Variants in GFRA1 observed in about 807,000 individuals in gnomAD.
GFRA1 encodes the protein GDNF family receptor alpha-1.
GFRA1 carries 16 observed loss-of-function variants against 51.6 expected under a neutral mutation model. That is an observed-to-expected ratio of 0.31 (90% CI 0.21 to 0.47). The LOEUF (loss-of-function observed/expected upper bound fraction) is 0.47, where lower values mean the gene tolerates loss of function less well. Ranked by LOEUF, GFRA1 falls within the 20% of genes least tolerant of loss-of-function variation. GFRA1 has a pLI of 1.00. For missense variants in GFRA1, 530 were observed against 594.3 expected (o/e 0.89, Z 1.13); for synonymous variants, 270 against 241.3 (o/e 1.12, Z -1.10).
At chr10:116,161,607 A>T (rs1209765830) in intron 5 of GFRA1, among the ~76,000 whole-genome samples, 1 of 152,182 alleles carries the variant, frequency 6.6e-6, no homozygotes, top group African/African-American at 2.4e-5. Flanking sequence ...AGTTTCCCCC[A>T]TACTGTTCTC....
chr10:116,103,188 TAC>T (rs778183262), intron 6 of GFRA1, among the ~76,000 whole-genome samples: 2 of 152,212 alleles, frequency 1.3e-5, no homozygotes, highest in African/African-American at 2.4e-5. Context: ...AGTTGCTATG[TAC>T]AGTCACTTTA....
chr10:116,265,965 G>A (rs1273075098), intron 4 of GFRA1, among the ~76,000 whole-genome samples: 1 of 152,134 alleles, frequency 6.6e-6, no homozygotes, highest in Non-Finnish European at 1.5e-5. Flanking sequence ...TCCCTCTGCA[G>A]TTCTCTCCTG....
At chr10:116,096,314 G>C (rs1247968957) in intron 7 of GFRA1, among the ~76,000 whole-genome samples, 1 of 151,822 alleles carries the variant, frequency 6.6e-6, no homozygotes, top group Non-Finnish European at 1.5e-5. Flanking sequence ...TGTTTGACTC[G>C]CTTTCTTCTT....
intron 5 of GFRA1, among the ~76,000 whole-genome samples, chr10:116,158,005 C>G (rs578007257): frequency 9.9e-5 from 15 of 152,202 alleles, no homozygotes; most frequent in African/African-American, 2.4e-4. Flanking sequence ...GGGTCAGAAG[C>G]CTTCCTTGAA....
chr10:116,256,601 C>A (rs1220407533), intron 4 of GFRA1, among the ~76,000 whole-genome samples: 1 of 152,184 alleles, frequency 6.6e-6, no homozygotes, highest in Non-Finnish European at 1.5e-5. Flanking sequence ...CCTTCCTCCC[C>A]ATCCTCTCCC....
At chr10:116,270,779 T>A in intron 3 of GFRA1, 43 bp downstream of exon 3, 1 of 1,548,120 alleles carries the variant, frequency 6.5e-7, no homozygotes, top group Non-Finnish European at 8.8e-7. Flanking sequence ...CCGCCTGCCT[T>A]CGGGGAGGGA....
At chr10:116,173,817 C>T (rs1961291895) in intron 5 of GFRA1, among the ~76,000 whole-genome samples, 1 of 152,158 alleles carries the variant, frequency 6.6e-6, no homozygotes, top group Non-Finnish European at 1.5e-5. Context: ...TGGCTTACGC[C>T]TGTAATCCCA....
intron 9 of GFRA1, among the ~76,000 whole-genome samples, chr10:116,076,720 C>T (rs1426631048): frequency 3.3e-5 from 5 of 152,148 alleles, no homozygotes; most frequent in East Asian, 1.9e-4. Flanking sequence ...AGAGCTGGTT[C>T]GCTCAATAAT....
At chr10:116,102,719 G>A (rs532141116) in intron 6 of GFRA1, among the ~76,000 whole-genome samples, 4 of 152,076 alleles carry the variant, frequency 2.6e-5, no homozygotes, top group Non-Finnish European at 5.9e-5. Context: ...AGAAGAGTAC[G>A]GGGGAAACTG....
Position 116,085,894 on chromosome 10 carries a change from C to T in GFRA1, c.1197+3847G>A, listed in dbSNP as rs777488724. On this transcript the variant is annotated intron_variant, in intron 9 of 10. Coordinates refer to ENST00000355422, the MANE Select transcript of GFRA1 (RefSeq NM_005264.8). ...CCCTTATTTGCATCAGTGAACCTCACGAGGAACTAAGACATGCGGCTCTCT... is the reference window on the plus strand; with the variant it reads ...CCCTTATTTGCATCAGTGAACCTCATGAGGAACTAAGACATGCGGCTCTCT... Among the ~76,000 whole-genome samples, 8 of 152,266 alleles carry T rather than the reference C, an allele frequency of 5.3e-5. No homozygotes were observed. In the East Asian group the frequency reaches 5.8e-4, roughly 11 times the overall value.
intron 6 of GFRA1, among the ~76,000 whole-genome samples, chr10:116,104,486 A>T (rs2133942285): frequency 6.6e-6 from 1 of 152,296 alleles, no homozygotes; most frequent in Admixed American, 6.5e-5. Flanking sequence ...GGGCTCTGGC[A>T]AAGCTTCATG....
intron 5 of GFRA1, among the ~76,000 whole-genome samples, chr10:116,196,599 A>AT (rs1555166543): frequency 8.5e-5 from 1 of 11,708 alleles, no homozygotes; most frequent in Non-Finnish European, 2.6e-4. Context: ...TATATATAAT[A>AT]TATATATAGT....
At chr10:116,266,774 A>C (rs995284633) in intron 4 of GFRA1, among the ~76,000 whole-genome samples, 2 of 152,230 alleles carry the variant, frequency 1.3e-5, no homozygotes, top group Non-Finnish European at 2.9e-5. Flanking sequence ...ATTCAGACAA[A>C]CCAGTGGTAT....
chr10:116,075,052 G>A (rs1017983805), intron 9 of GFRA1, among the ~76,000 whole-genome samples: 1 of 152,174 alleles, frequency 6.6e-6, no homozygotes, highest in Admixed American at 6.5e-5. Flanking sequence ...ATTGGGTTAA[G>A]CAATTGTCCA....
At chr10:116,208,681 ATTG>A (rs556224473) in intron 5 of GFRA1, among the ~76,000 whole-genome samples, 131 of 152,258 alleles carry the variant, frequency 8.6e-4, no homozygotes, top group African/African-American at 2.9e-3. Context: ...GCTGAGTGGT[ATTG>A]TTGTGATTTC....
intron 5 of GFRA1, among the ~76,000 whole-genome samples, chr10:116,209,153 G>A (rs1295513537): frequency 6.6e-6 from 1 of 152,176 alleles, no homozygotes; most frequent in Non-Finnish European, 1.5e-5. Context: ...AATGACATGA[G>A]AGCAGGGTAG....
chr10:116,169,225 G>A (rs1960792340), intron 5 of GFRA1, among the ~76,000 whole-genome samples: 2 of 152,226 alleles, frequency 1.3e-5, no homozygotes, highest in African/African-American at 4.8e-5. Context: ...CTGACTTGAT[G>A]ACTAGAGTTC....
At position 116,058,709 on chromosome 10, in the gene GFRA1, C is replaced by T. The variant is rs1225906576; in HGVS notation, c.*5689G>A. 4 of 152,246 alleles carry T rather than the reference C, an allele frequency of 2.6e-5. No homozygotes were observed. Among genetic ancestry groups the T allele is most frequent in the African/African-American group, 4.8e-5 (2 of 41,452 alleles). The allele number at this position is 152,246 out of a possible 1,614,324, so 9.4% of individuals were successfully genotyped here. A position where few individuals can be genotyped will look rare whatever the true frequency, so the allele number is the denominator to read the frequency against. On this transcript the variant is annotated 3_prime_UTR_variant, in exon 11 of 11. Transcript: ENST00000355422. ...AGCTGCTGTCAGAGGGCCCTGTGTTCTCAAGTTCAGCTCCAAATGCTGGTT... is the reference window on the plus strand; with the variant it reads ...AGCTGCTGTCAGAGGGCCCTGTGTTTTCAAGTTCAGCTCCAAATGCTGGTT...
At chr10:116,126,621 T>G (rs1015895594) in intron 5 of GFRA1, among the ~76,000 whole-genome samples, 7 of 152,164 alleles carry the variant, frequency 4.6e-5, no homozygotes, top group Non-Finnish European at 8.8e-5. Flanking sequence ...TGATGAGGTG[T>G]AGTAGTGATT....
Sources: gnomAD v4.1 joint callset for allele counts (sites outside exome capture counted in the v4.1 genomes callset) on GRCh38, gnomAD v4.1.1 for gene constraint, MANE v1.5 for transcripts, NCBI Gene and HGNC (gene_info 2026-07-23, HGNC 2026-07-21) for gene names.